Variants in NELL1 observed in about 807,000 individuals in gnomAD.
NELL1 encodes neural EGFL like 1.
Under a neutral mutation model 107.4 loss-of-function variants are expected in NELL1, and 76 were observed. That is an observed-to-expected ratio of 0.71 (90% CI 0.59 to 0.86). The LOEUF (loss-of-function observed/expected upper bound fraction) is 0.86, where lower values mean the gene tolerates loss of function less well. Among genes scored for constraint, NELL1 ranks in the 40% least tolerant of loss-of-function variants. The probability of loss-of-function intolerance (pLI) is 0.00; values close to 1 mark genes in which losing one functional copy is unlikely to be tolerated. For synonymous variants in NELL1, 353 were observed against 341.2 expected (o/e 1.03, Z -0.38); for missense variants, 1,024 against 1,005.5 (o/e 1.02, Z -0.25).
At position 21,155,156 on chromosome 11, in the gene NELL1, T is replaced by C. The variant is rs374924880; in HGVS notation, c.1426+41442T>C. ...TGTGAAAATCATCAGAAAATCATTT[T>C]CAGGCTTTGACTCAGGGGGCTGGGT... On this transcript the variant is annotated intron_variant, in intron 13 of 19. Transcript: ENST00000357134. Among the ~76,000 whole-genome samples the C allele has an allele frequency of 2.7e-3, 417 of 152,264 alleles. 2 individuals are homozygous for C. The highest frequency in any genetic ancestry group is 9.7e-3 in the African/African-American group (405 of 41,572).
At chr11:20,863,601 A>ATC (rs1432020272) in intron 4 of NELL1, among the ~76,000 whole-genome samples, 4,753 of 149,962 alleles carry the variant, frequency 0.032, 104 homozygotes, top group Non-Finnish European at 0.051. Flanking sequence ...GCGGCCGGGA[A>ATC]GAGGCGGTCC....
intron 13 of NELL1, among the ~76,000 whole-genome samples, chr11:21,204,746 T>G (rs889118452): frequency 2.0e-5 from 3 of 152,132 alleles, no homozygotes; most frequent in Non-Finnish European, 4.4e-5. Flanking sequence ...CCCATCTTTG[T>G]GTATTTATCT....
intron 5 of NELL1, among the ~76,000 whole-genome samples, chr11:20,896,155 T>C (rs1053898437): frequency 6.6e-6 from 1 of 152,234 alleles, no homozygotes; most frequent in Non-Finnish European, 1.5e-5. Flanking sequence ...TTCACCTAAG[T>C]CCCCAGGATC....
rs542050553 is a variant in NELL1, at chr11:21,239,510, T to C, written c.1549+10056T>C. 3.3e-5 allele frequency among the ~76,000 whole-genome samples: 5 copies of C among 152,176 alleles called. No individual in the cohort carries two copies. In the East Asian group the frequency reaches 9.7e-4, roughly 29 times the overall value. ...CCTAGTTGTGACCAGTGGGAAACAT[T>C]CGTGAGACTCAGATCAGTATTCTAA... On this transcript the variant is annotated intron_variant, in intron 14 of 19. Coordinates refer to ENST00000357134, the MANE Select transcript of NELL1 (RefSeq NM_006157.5).
At chr11:20,788,710 A>AT (rs1857016930) in intron 3 of NELL1, among the ~76,000 whole-genome samples, 1 of 150,118 alleles carries the variant, frequency 6.7e-6, no homozygotes, top group East Asian at 2.0e-4. Context: ...ATTTTTTTTT[A>AT]TTTTTTATTT....
At chr11:21,555,322 C>A (rs1856680089) in intron 16 of NELL1, among the ~76,000 whole-genome samples, 1 of 151,784 alleles carries the variant, frequency 6.6e-6, no homozygotes, top group African/African-American at 2.4e-5. Flanking sequence ...ACTTTTTAAG[C>A]AAGGGTGATG....
chr11:20,749,313 G>A (rs1026818866), intron 2 of NELL1, among the ~76,000 whole-genome samples: 3 of 151,994 alleles, frequency 2.0e-5, no homozygotes, highest in African/African-American at 7.2e-5. Flanking sequence ...AAAAATTAAG[G>A]TATAGGTTGT....
At chr11:21,196,002 T>G (rs892786475) in intron 13 of NELL1, among the ~76,000 whole-genome samples, 1 of 152,240 alleles carries the variant, frequency 6.6e-6, no homozygotes, top group Non-Finnish European at 1.5e-5. Context: ...AGCAGAATAC[T>G]TGACATTTCT....
chr11:21,439,440 C>T (rs939442852), intron 15 of NELL1, among the ~76,000 whole-genome samples: 2 of 152,168 alleles, frequency 1.3e-5, no homozygotes, highest in South Asian at 2.1e-4. Flanking sequence ...AGATTAATCT[C>T]GGATCACTGA....
intron 5 of NELL1, among the ~76,000 whole-genome samples, chr11:20,905,824 C>T (rs181115651): frequency 1.2e-4 from 19 of 152,050 alleles, no homozygotes; most frequent in African/African-American, 3.4e-4. Flanking sequence ...ATGTATGCAC[C>T]GGGGGTGTCT....
intron 14 of NELL1, among the ~76,000 whole-genome samples, chr11:21,311,072 G>T (rs753730193): frequency 6.6e-6 from 1 of 152,088 alleles, no homozygotes; most frequent in Non-Finnish European, 1.5e-5. Context: ...AGCTTTACTG[G>T]CTTCTCATAG....
At chr11:20,934,803 A>G (rs1850689110) in intron 9 of NELL1, among the ~76,000 whole-genome samples, 1 of 152,180 alleles carries the variant, frequency 6.6e-6, no homozygotes, top group Admixed American at 6.5e-5. Flanking sequence ...TCTCCATGCA[A>G]GTACACTGGG....
intron 2 of NELL1, among the ~76,000 whole-genome samples, chr11:20,703,255 C>T (rs1854845905): frequency 6.6e-6 from 1 of 152,062 alleles, no homozygotes; most frequent in Non-Finnish European, 1.5e-5. Flanking sequence ...AGGAATTTAT[C>T]CGTTTCTTCT....
rs542894530 is a variant in NELL1 at position 21,506,997 on chromosome 11, A to G, written c.1646-27377A>G. The stretch of plus-strand genomic sequence containing the variant: ...ATTTCAAGGAACTCTGTGGGCTCAT[A>G]CTTGTATATTTAATCATCACACTAT... On this transcript the variant is annotated intron_variant, in intron 15 of 19. Transcript: ENST00000357134. 1.5e-3 allele frequency among the ~76,000 whole-genome samples: 234 copies of G among 152,282 alleles called. 1 individual carries two copies. The highest frequency in any genetic ancestry group is 5.4e-3 in the African/African-American group (224 of 41,572).
At chr11:20,839,680 G>C (rs1310825420) in intron 3 of NELL1, among the ~76,000 whole-genome samples, 1 of 152,182 alleles carries the variant, frequency 6.6e-6, no homozygotes, top group Non-Finnish European at 1.5e-5. Context: ...GCTGTGTCCT[G>C]CCCACATTCA....
intron 2 of NELL1, among the ~76,000 whole-genome samples, chr11:20,679,089 C>T (rs894755178): frequency 2.0e-5 from 3 of 152,078 alleles, no homozygotes; most frequent in Admixed American, 1.3e-4. Context: ...TTACATGGGA[C>T]CCTGTTGTCA....
chr11:20,978,692 A>G (rs1274347779), intron 12 of NELL1, among the ~76,000 whole-genome samples: 8 of 152,202 alleles, frequency 5.3e-5, no homozygotes, highest in Non-Finnish European at 2.9e-5. Context: ...AGAATTTAGC[A>G]GAATACTTAA....
chr11:21,406,465 C>A (rs566064343), intron 15 of NELL1, among the ~76,000 whole-genome samples: 1 of 152,006 alleles, frequency 6.6e-6, no homozygotes, highest in African/African-American at 2.4e-5. Context: ...ATGATACTAC[C>A]TAGTGCTTTA....
At chr11:21,299,840 G>A (rs536945818) in intron 14 of NELL1, among the ~76,000 whole-genome samples, 3 of 151,906 alleles carry the variant, frequency 2.0e-5, no homozygotes, top group Admixed American at 6.6e-5. Context: ...TATATAACAT[G>A]TAATATTTTC....
Sources: gnomAD v4.1 joint callset for allele counts (sites outside exome capture counted in the v4.1 genomes callset) on GRCh38, gnomAD v4.1.1 for gene constraint, MANE v1.5 for transcripts, NCBI Gene and HGNC (gene_info 2026-07-23, HGNC 2026-07-21) for gene names.